The following USH1C variants were observed in gnomAD, a reference collection of about 807,000 sequenced individuals.
The protein encoded by USH1C is harmonin.
In USH1C, 90 loss-of-function variants were observed where a neutral mutation model predicts 119.3. The ratio of observed to expected loss-of-function variants is 0.75; its 90% CI spans 0.64 to 0.90. USH1C has a LOEUF of 0.90. Among genes scored for constraint, USH1C ranks in the 40% least tolerant of loss-of-function variants. The pLI is 0.00. For missense variants in USH1C, 1,165 were observed against 1,167.7 expected (o/e 1.00, Z 0.03); for synonymous variants, 465 against 443.3 (o/e 1.05, Z -0.62).
chr11:17,498,762 A>T (rs1177953060), intron 23 of USH1C, among the ~76,000 whole-genome samples: 1 of 152,224 alleles, frequency 6.6e-6, no homozygotes, highest in Admixed American at 6.5e-5. Flanking sequence ...AGTCGAATGT[A>T]GATCTTGCCT....
intron 26 of USH1C, chr11:17,494,601 AAGG>A: frequency 1.6e-6 from 1 of 608,748 alleles, no homozygotes; most frequent in Non-Finnish European, 3.0e-6. Context: ...GGGATGGGGG[AAGG>A]AGGAGACTGG....
intron 20 of USH1C, chr11:17,502,193 CTT>C: frequency 3.6e-6 from 2 of 556,016 alleles, no homozygotes; most frequent in Non-Finnish European, 6.4e-6. Context: ...CTGAGGAAGA[CTT>C]TAGAGGATCT....
intron 23 of USH1C, among the ~76,000 whole-genome samples, chr11:17,500,680 C>G (rs1565020760): frequency 6.6e-6 from 1 of 152,190 alleles, no homozygotes; most frequent in Non-Finnish European, 1.5e-5. Context: ...CACTCCTGGC[C>G]TCCCATCTCC....
At chr11:17,529,419 C>T (rs1850857655) in intron 4 of USH1C, among the ~76,000 whole-genome samples, 1 of 152,226 alleles carries the variant, frequency 6.6e-6, no homozygotes, top group African/African-American at 2.4e-5. Flanking sequence ...CAGGTCAAAT[C>T]AGCACAGGTC....
At chr11:17,513,910 T>C (rs944955976) in intron 15 of USH1C, among the ~76,000 whole-genome samples, 1 of 152,236 alleles carries the variant, frequency 6.6e-6, no homozygotes, top group Non-Finnish European at 1.5e-5. Context: ...TTCTGTCTCA[T>C]GCCCAAGAAA....
At chr11:17,535,358 C>G (rs986350642) in intron 1 of USH1C, among the ~76,000 whole-genome samples, 5 of 151,986 alleles carry the variant, frequency 3.3e-5, no homozygotes. Context: ...CTGCTTCCCC[C>G]ACTTCCCTGC....
Position 17,495,305 on chromosome 11 carries a change from A to G in USH1C, c.2655+264T>C, listed in dbSNP as rs59196307. Among the ~76,000 whole-genome samples the G allele has an allele frequency of 0.034, 5,249 of 152,282 alleles. 345 individuals are homozygous for G. Among genetic ancestry groups the G allele is most frequent in the African/African-American group, 0.12 (5,015 of 41,536 alleles). ...TTGGGTGCTGCTTGGGACCCAAAGC[A>G]GGTCCCAGGGCCGTGATGAGTCAGG... On this transcript the variant is annotated intron_variant, in intron 26 of 26. Coordinates refer to ENST00000005226, the MANE Select transcript of USH1C (RefSeq NM_153676.4).
chr11:17,512,034 T>C lies in USH1C; in HGVS notation c.1281A>G (p.Lys427=). 6.2e-7 allele frequency: 1 copy of C among 1,614,258 alleles called. No homozygotes were observed. The highest frequency in any genetic ancestry group is 1.1e-5 in the South Asian group (1 of 91,084). ...AGTCCTGCAGGCTGCCATACTTGGC[T>C]TTCTTCTTATCTTTTCCTTTCTGAG... is the stretch of plus-strand genomic sequence containing the variant. ...TIRKKGKDKK[K]AKYGSLQDLR... is the part of the protein sequence containing the mutation. The change falls in exon 16 of 27, where the codon AAA becomes AAG. Residue 427 remains lysine (K), a synonymous_variant. Transcript: ENST00000005226.
intron 26 of USH1C, chr11:17,495,031 T>C (rs1849196896): frequency 4.5e-6 from 1 of 220,182 alleles, no homozygotes; most frequent in Non-Finnish European, 9.1e-6. Flanking sequence ...CCACCAACCC[T>C]GGTTCTTTGG....
intron 4 of USH1C, among the ~76,000 whole-genome samples, chr11:17,529,128 C>T (rs1381797433): frequency 1.6e-5 from 2 of 123,280 alleles, no homozygotes; most frequent in Non-Finnish European, 3.5e-5. Context: ...TGGATCCTTG[C>T]CACCTGTCAG....
chr11:17,499,870 C>T (rs1030265491), intron 23 of USH1C, among the ~76,000 whole-genome samples: 3 of 152,226 alleles, frequency 2.0e-5, no homozygotes, highest in Non-Finnish European at 4.4e-5. Context: ...TCTACCACCT[C>T]CAGCTTATGG....
intron 23 of USH1C, among the ~76,000 whole-genome samples, chr11:17,500,533 C>T (rs534592700): frequency 1.2e-4 from 18 of 152,300 alleles, no homozygotes; most frequent in African/African-American, 3.6e-4. Flanking sequence ...GCCAAACGTT[C>T]GGCTCCTACC....
rs138746314 is a variant in USH1C at position 17,511,992 on chromosome 11, T to C, written c.1323A>G (p.Lys441=). The change falls in exon 16 of 27, where the codon AAA becomes AAG. Residue 441 remains lysine (K), a synonymous_variant. Coordinates refer to ENST00000005226, the MANE Select transcript of USH1C (RefSeq NM_153676.4). Reference sequence around the variant, plus strand: ...AAAGCTTTTGCTCAAACTCCAGTTCTTTCTTATTCTTTCTCAAGTCCTGCA... The same window carrying C: ...AAAGCTTTTGCTCAAACTCCAGTTCCTTCTTATTCTTTCTCAAGTCCTGCA... ...GSLQDLRKNK[K]ELEFEQKLYK... 9 of 1,614,120 alleles carry C rather than the reference T, an allele frequency of 5.6e-6. No individual in the cohort carries two copies. The highest frequency in any genetic ancestry group is 1.3e-5 in the African/African-American group (1 of 74,938).
chr11:17,519,065 G>A (rs953818343), intron 14 of USH1C, among the ~76,000 whole-genome samples: 1 of 151,300 alleles, frequency 6.6e-6, no homozygotes, highest in Non-Finnish European at 1.5e-5. Flanking sequence ...AGGCATAGAA[G>A]CCTGAGTCAG....
Position 17,509,747 on chromosome 11 carries a change from G to A in USH1C, c.1622C>T (p.Thr541Ile), listed in dbSNP as rs1196041300. 1 of 1,602,414 alleles carries A rather than the reference G, an allele frequency of 6.2e-7. No homozygotes were observed. Among genetic ancestry groups the A allele is most frequent in the South Asian group, 1.1e-5 (1 of 90,976 alleles). Residue 541 changes from threonine to isoleucine, a missense_variant, in exon 18 of 27, where the codon ACT becomes ATT. Thr to Ile is a moderately conservative substitution (Grantham distance 89). Transcript: ENST00000005226. ...RFAGGLHLHT[T>I]DLDDIPLDMF... ...GTCCAAAGGGATGTCGTCCAGGTCA[G>A]TGGTGTGCAGGTGCAGTCCGCCTGC...
chr11:17,496,775 C>T lies in USH1C; in HGVS notation c.2529G>A (p.Lys843=). 1 of 1,614,230 alleles carries T rather than the reference C, an allele frequency of 6.2e-7. No homozygotes were observed. ...IDLVVAVCPP[K]EYDDELASLP... ...ACACTTACAGCTCATCGTCATACTCCTTTGGGGGGCAGACGGCAACCACAA... is the reference window on the plus strand; with the variant it reads ...ACACTTACAGCTCATCGTCATACTCTTTTGGGGGGCAGACGGCAACCACAA... Residue 843 remains lysine, a synonymous_variant, in exon 25 of 27, where the codon AAG becomes AAA. Transcript: ENST00000005226.
Position 17,505,907 on chromosome 11 carries a change from A to G in USH1C, c.2056T>C (p.Ser686Pro). 6.2e-7 allele frequency: 1 copy of G among 1,614,234 alleles called. No homozygotes were observed. The highest frequency in any genetic ancestry group is 8.5e-7 in the Non-Finnish European group (1 of 1,180,054). Residue 686 changes from serine to proline, a missense_variant, in exon 19 of 27, where the codon TCC becomes CCC. Physicochemically the swap from Ser to Pro is moderately conservative, Grantham distance 74. Coordinates refer to ENST00000005226, the MANE Select transcript of USH1C (RefSeq NM_153676.4). ...SPQPPRGPGV[S>P]TISKPVMVHQ... ...ACCATGACAGGTTTGGAGATGGTGG[A>G]CACGCCAGGGCCTCGTGGAGGCTGT...
intron 15 of USH1C, among the ~76,000 whole-genome samples, chr11:17,512,937 C>T (rs1762706790): frequency 6.6e-6 from 1 of 152,150 alleles, no homozygotes; most frequent in African/African-American, 2.4e-5. Context: ...CTGGCTGCTT[C>T]TCTCATGGGG....
At position 17,509,383 on chromosome 11, in the gene USH1C, A is replaced by G. The variant is rs749202169; in HGVS notation, c.1986T>C (p.Pro662=). Residue 662 remains proline, a synonymous_variant, in exon 18 of 27, where the codon CCT becomes CCC. Coordinates refer to ENST00000005226, the MANE Select transcript of USH1C (RefSeq NM_153676.4). The part of the protein sequence containing the change: ...HSGKPTNSPV[P]EQSFPPTPKT... ...TTGGGGTGGGTGGGAAGCTCTGTTCAGGGACAGGGGAGTTAGTGGGCTTCC... is the reference window on the plus strand; with the variant it reads ...TTGGGGTGGGTGGGAAGCTCTGTTCGGGGACAGGGGAGTTAGTGGGCTTCC... 1.3e-6 allele frequency: 2 copies of G among 1,590,918 alleles called. No homozygotes were observed. Among genetic ancestry groups the G allele is most frequent in the African/African-American group, 2.7e-5 (2 of 74,570 alleles).
Sources: gnomAD v4.1 joint callset for allele counts (sites outside exome capture counted in the v4.1 genomes callset) on GRCh38, gnomAD v4.1.1 for gene constraint, MANE v1.5 for transcripts, NCBI Gene and HGNC (gene_info 2026-07-23, HGNC 2026-07-21) for gene names.